MDGA1: variants seen among roughly 807,000 people sequenced by gnomAD.
MDGA1 encodes MAM domain containing glycosylphosphatidylinositol anchor 1, also known as MAM domain-containing glycosylphosphatidylinositol anchor protein 1.
A neutral mutation model predicts 101.5 loss-of-function variants in MDGA1; 54 were observed. That is an observed-to-expected ratio of 0.53 (90% CI 0.43 to 0.67). MDGA1 has a LOEUF of 0.67. MDGA1 is among the 30% of genes least tolerant of loss of function. The pLI is 0.00. For missense variants in MDGA1, 1,083 were observed against 1,323.8 expected (o/e 0.82, Z 2.82); for synonymous variants, 533 against 558.3 (o/e 0.95, Z 0.64).
chr6:37,637,415 G>A lies in MDGA1; in HGVS notation c.2821C>T (p.Gln941Ter), dbSNP rs2113991279. 2 of 1,613,746 alleles carry A rather than the reference G, an allele frequency of 1.2e-6. No homozygotes were observed. The highest frequency in any genetic ancestry group is 1.7e-5 in the Admixed American group (1 of 60,024). The change falls in exon 17 of 17, where the codon CAG (glutamine) becomes TAG (stop). Residue 941 changes from glutamine to a stop codon, truncating the protein, a stop_gained. Transcript: ENST00000434837. LOFTEE classifies it high-confidence loss of function. ...GSGAPCQSSP[Q>*]LWGPMAIFLL... ...AAGATGGCCATGGGCCCCCACAGCT[G>A]TGGGCTGGACTGGCAGGGGGCTCCA... is the stretch of plus-strand genomic sequence containing the variant.
At chr6:37,677,166 G>A (rs1456923218) in intron 1 of MDGA1, among the ~76,000 whole-genome samples, 1 of 152,122 alleles carries the variant, frequency 6.6e-6, no homozygotes, top group African/African-American at 2.4e-5. Context: ...AAGTTAAAAA[G>A]CAGGCCATAA....
At chr6:37,681,007 C>A (rs781505562) in intron 1 of MDGA1, among the ~76,000 whole-genome samples, 2,705 of 152,134 alleles carry the variant, frequency 0.018, 33 homozygotes, top group Non-Finnish European at 0.028. Flanking sequence ...CCCCCCCCCC[C>A]CAGGAAACCT....
Position 37,632,242 on chromosome 6 carries a change from G to A in MDGA1, c.*5126C>T, listed in dbSNP as rs2113985101. 1 of 152,308 alleles carries A rather than the reference G, an allele frequency of 6.6e-6. No homozygotes were observed. Among genetic ancestry groups the A allele is most frequent in the South Asian group, 2.1e-4 (1 of 4,820 alleles). 9.4% of individuals were successfully genotyped at this position (152,308 alleles called of 1,614,324 possible). On this transcript the variant is annotated 3_prime_UTR_variant, in exon 17 of 17. Coordinates refer to ENST00000434837, the MANE Select transcript of MDGA1 (RefSeq NM_153487.4). ...TACACATCATTATATATGTCTTGGT[G>A]TCATTATTAGCTTACTGTCCATCTC...
rs1357995092 is a variant in MDGA1, at chr6:37,633,098, G to C, written c.*4270C>G. The C allele has an allele frequency of 1.3e-5, 2 of 152,030 alleles. No homozygotes were observed. The highest frequency in any genetic ancestry group is 2.9e-5 in the Non-Finnish European group (2 of 68,024). The allele number at this position is 152,030 out of a possible 1,614,324, so 9.4% of individuals were successfully genotyped here. A position where few individuals can be genotyped will look rare whatever the true frequency, so the allele number is the denominator to read the frequency against. On this transcript the variant is annotated 3_prime_UTR_variant, in exon 17 of 17. Transcript: ENST00000434837. ...CCCTCTGGACCTCGCCTGTACAATG[G>C]GGGCACCAGCTTAGATGCTCCCTAA...
chr6:37,668,404 G>T (rs756346625), intron 1 of MDGA1, among the ~76,000 whole-genome samples: 18 of 152,138 alleles, frequency 1.2e-4, no homozygotes, highest in Non-Finnish European at 2.4e-4. Context: ...TCACTCCTGG[G>T]TATGTACCCA....
chr6:37,663,174 A>C lies in MDGA1; in HGVS notation c.207+793T>G, dbSNP rs80040196. 2.8e-3 allele frequency among the ~76,000 whole-genome samples: 424 copies of C among 152,264 alleles called. 4 individuals carry two copies. Among genetic ancestry groups the C allele is most frequent in the African/African-American group, 9.7e-3 (401 of 41,544 alleles). ...ACCAGCAAATTCCTCCCATCCCTTC[A>C]GCCCACCTCCTCCCTACTTCCTCCC... is the stretch of plus-strand genomic sequence containing the variant. On this transcript the variant is annotated intron_variant, in intron 2 of 16. Coordinates refer to ENST00000434837, the MANE Select transcript of MDGA1 (RefSeq NM_153487.4).
chr6:37,638,104 AC>A lies in MDGA1; in HGVS notation c.2776+100del, dbSNP rs767820538. ...GATTCCCATCACTCAGACATTCTGA[AC>A]CCCTATTCAGACCCAAACACCCTCC... On this transcript the variant is annotated intron_variant, in intron 16 of 16. Coordinates refer to ENST00000434837, the MANE Select transcript of MDGA1 (RefSeq NM_153487.4). This position sits in a 1 kb window ranked among gnomAD's most constrained non-coding sequence, Gnocchi z 4.8. 20 of 873,396 alleles carry A rather than the reference AC, an allele frequency of 2.3e-5. No homozygotes were observed. In the African/African-American group the frequency reaches 3.3e-4, roughly 14 times the overall value. 54.1% of individuals were successfully genotyped at this position (873,396 alleles called of 1,614,324 possible).
chr6:37,660,951 G>T (rs1406748531), intron 2 of MDGA1, among the ~76,000 whole-genome samples: 1 of 152,132 alleles, frequency 6.6e-6, no homozygotes, highest in Non-Finnish European at 1.5e-5. Context: ...TTTTATGTTG[G>T]TTTCTCAGGT....
rs371838777 is a variant in MDGA1, at chr6:37,655,561, A to G, written c.579+139T>C. ...GATTTTTCTGCCCCAGGCTGTCTGA[A>G]CTCCAATCAGAATGTGTGTTTCCAA... On this transcript the variant is annotated intron_variant, in intron 4 of 16. Coordinates refer to ENST00000434837, the MANE Select transcript of MDGA1 (RefSeq NM_153487.4). The surrounding 1 kb of genome is among the most constrained non-coding windows in gnomAD (Gnocchi z 5.1). 151 of 689,592 alleles carry G rather than the reference A, an allele frequency of 2.2e-4. 1 individual carries two copies. The East Asian group carries it at 4.0e-3, about 18-fold the overall frequency. 42.7% of individuals were successfully genotyped at this position (689,592 alleles called of 1,614,324 possible).
At chr6:37,663,893 G>A in intron 2 of MDGA1, 74 bp downstream of exon 2, 2 of 1,545,230 alleles carry the variant, frequency 1.3e-6, no homozygotes, top group Non-Finnish European at 8.9e-7. Flanking sequence ...ATCTCCTGCT[G>A]CCTCTTCTTA....
intron 1 of MDGA1, among the ~76,000 whole-genome samples, chr6:37,673,853 T>A (rs1376542128): frequency 1.3e-5 from 2 of 152,122 alleles, no homozygotes; most frequent in East Asian, 3.9e-4. Flanking sequence ...GCAACAGACT[T>A]TTGGCCCATC....
rs1761465745 is a variant in MDGA1 at position 37,655,640 on chromosome 6, C to T, written c.579+60G>A. 2.2e-6 allele frequency: 3 copies of T among 1,369,876 alleles called. No homozygotes were observed. The highest frequency in any genetic ancestry group is 4.9e-5 in the East Asian group (2 of 41,046). 84.9% of individuals were successfully genotyped at this position (1,369,876 alleles called of 1,614,324 possible). The stretch of plus-strand genomic sequence containing the variant: ...CAGTCCCAAAAACTCAGCCCCATGC[C>T]CCCCTCCCCTGTTGGATGCAGGAGA... On this transcript the variant is annotated intron_variant, in intron 4 of 16. Transcript: ENST00000434837. The surrounding 1 kb of genome is among the most constrained non-coding windows in gnomAD (Gnocchi z 5.1).
chr6:37,688,018 C>G (rs577723074), intron 1 of MDGA1, among the ~76,000 whole-genome samples: 1 of 152,306 alleles, frequency 6.6e-6, no homozygotes, highest in East Asian at 1.9e-4. Context: ...AAGTAGAAAG[C>G]CTCCTTGCTC....
intron 14 of MDGA1, among the ~76,000 whole-genome samples, chr6:37,640,265 A>C (rs1211257961): frequency 6.6e-6 from 1 of 152,186 alleles, no homozygotes; most frequent in Non-Finnish European, 1.5e-5. Flanking sequence ...CAGAGGCTGG[A>C]AAGCTGGAGT....
rs760755468 is a variant in MDGA1, at chr6:37,638,198, CT to C, written c.2776+6del. 6.2e-7 allele frequency: 1 copy of C among 1,612,312 alleles called. No homozygotes were observed. Among genetic ancestry groups the C allele is most frequent in the South Asian group, 1.1e-5 (1 of 91,034 alleles). ...TTCAGCTCCCCCACCTCCTTCCCGT[CT>C]TGCACCTTTATTGGGATCCGTCTGC... On this transcript the variant is annotated splice_donor_region_variant and intron_variant, in intron 16 of 16. Transcript: ENST00000434837. The surrounding 1 kb of genome is among the most constrained non-coding windows in gnomAD (Gnocchi z 4.8).
At chr6:37,653,726 A>G (rs1761419816) in intron 6 of MDGA1, among the ~76,000 whole-genome samples, 1 of 152,250 alleles carries the variant, frequency 6.6e-6, no homozygotes, top group Non-Finnish European at 1.5e-5. Flanking sequence ...GAGGTTTAAT[A>G]AGAAAAATGT....
rs1294890454 is a variant in MDGA1, at chr6:37,638,193, C to T, written c.2776+12G>A. ...CCAGATTCAGCTCCCCCACCTCCTT[C>T]CCGTCTTGCACCTTTATTGGGATCC... On this transcript the variant is annotated intron_variant, in intron 16 of 16. Transcript: ENST00000434837. This position sits in a 1 kb window ranked among gnomAD's most constrained non-coding sequence, Gnocchi z 4.8. 1.2e-6 allele frequency: 2 copies of T among 1,610,564 alleles called. No individual in the cohort carries two copies. The highest frequency in any genetic ancestry group is 1.1e-5 in the South Asian group (1 of 90,968).
At chr6:37,659,950 A>C (rs1761581807) in intron 2 of MDGA1, among the ~76,000 whole-genome samples, 1 of 152,022 alleles carries the variant, frequency 6.6e-6, no homozygotes, top group African/African-American at 2.4e-5. Flanking sequence ...GTTTGTTTAC[A>C]TACTGCTCAA....
intron 1 of MDGA1, among the ~76,000 whole-genome samples, chr6:37,666,022 G>C (rs1262285413): frequency 6.6e-6 from 1 of 152,024 alleles, no homozygotes; most frequent in Admixed American, 6.6e-5. Context: ...CTATTAGGAT[G>C]GCTACCCCAT....
Sources: gnomAD v4.1 joint callset for allele counts (sites outside exome capture counted in the v4.1 genomes callset) on GRCh38, gnomAD v4.1.1 for gene constraint, Gnocchi (gnomAD v3.1) non-coding constraint, MANE v1.5 for transcripts, NCBI Gene and HGNC (gene_info 2026-07-23, HGNC 2026-07-21) for gene names.